CD28: variants seen among roughly 807,000 people sequenced by gnomAD.
The protein encoded by CD28 is CD28 molecule.
In CD28, 8 loss-of-function variants were observed where a neutral mutation model predicts 21.4. That is an observed-to-expected ratio of 0.37 (90% confidence interval 0.22 to 0.68). The LOEUF (loss-of-function observed/expected upper bound fraction) is 0.68, where lower values mean the gene tolerates loss of function less well. Ranked by LOEUF, CD28 falls within the 30% of genes least tolerant of loss-of-function variation. The pLI is 0.55. For synonymous variants in CD28, 106 were observed against 104.0 expected, an observed-to-expected ratio of 1.02 and a Z score of -0.12; for missense variants, 239 against 272.2, an observed-to-expected ratio of 0.88 and a Z score of 0.86.
At chr2:203,708,928 G>A (rs865966971) in intron 1 of CD28, among the ~76,000 whole-genome samples, 1 of 151,922 alleles carries the variant, frequency 6.6e-6, no homozygotes, top group East Asian at 1.9e-4. Context: ...GAGACCCGTC[G>A]GGCTAACATG....
chr2:203,713,296 G>T (rs1308267970), intron 1 of CD28, among the ~76,000 whole-genome samples: 1 of 152,172 alleles, frequency 6.6e-6, no homozygotes, highest in African/African-American at 2.4e-5. Flanking sequence ...TTGGAATGAA[G>T]CTGGAGTTAT....
intron 1 of CD28, among the ~76,000 whole-genome samples, chr2:203,722,287 A>G (rs1425299864): frequency 6.6e-6 from 1 of 152,210 alleles, no homozygotes. Flanking sequence ...AACTGACCTA[A>G]TGACTCCTTC....
Position 203,735,265 on chromosome 2 carries a change from G to A in CD28, c.*353G>A, listed in dbSNP as rs143325118. 1.4e-3 allele frequency: 315 copies of A among 232,002 alleles called. No individual in the cohort carries two copies. Among genetic ancestry groups the A allele is most frequent in the African/African-American group, 6.7e-3 (293 of 43,574 alleles). The allele number at this position is 232,002 out of a possible 1,614,324, so 14.4% of individuals were successfully genotyped here. A position where few individuals can be genotyped will look rare whatever the true frequency, so the allele number is the denominator to read the frequency against. On this transcript the variant is annotated 3_prime_UTR_variant, in exon 4 of 4. Coordinates refer to ENST00000324106, the MANE Select transcript of CD28 (RefSeq NM_006139.4). ...CCTGCACATCTCAGTCAAGCAAAGT[G>A]TGGTATCCACAGACATTTTAGTTGC...
rs540936067 is a variant in CD28 at position 203,721,043 on chromosome 2, AC to A, written c.53-5589del. On this transcript the variant is annotated intron_variant, in intron 1 of 3. Coordinates refer to ENST00000324106, the MANE Select transcript of CD28 (RefSeq NM_006139.4). ...GCTATGAGGATATAAATATTGAGAA[AC>A]GAGATTTTATCAGCCAACCTTGAAC... is the stretch of plus-strand genomic sequence containing the variant. Among the ~76,000 whole-genome samples, 9 of 152,330 alleles carry A rather than the reference AC, an allele frequency of 5.9e-5. No individual in the cohort carries two copies. In the South Asian group the frequency reaches 1.7e-3, roughly 28 times the overall value.
intron 3 of CD28, among the ~76,000 whole-genome samples, chr2:203,733,962 T>G (rs1333635107): frequency 6.6e-6 from 1 of 152,234 alleles, no homozygotes; most frequent in Non-Finnish European, 1.5e-5. Context: ...GTCATTCATG[T>G]ACAGCATTAT....
upstream of CD28, chr2:203,706,587 G>A (rs200128080): frequency 6.8e-5 from 108 of 1,597,470 alleles, no homozygotes; most frequent in Middle Eastern, 1.6e-4. Flanking sequence ...GGTGGTGGCC[G>A]TGGATGACGG....
intron 3 of CD28, among the ~76,000 whole-genome samples, chr2:203,730,068 A>T (rs1693848543): frequency 6.6e-6 from 1 of 152,168 alleles, no homozygotes. Flanking sequence ...CCATTTTGCA[A>T]TATAATTATG....
chr2:203,728,658 T>C (rs1439527359), intron 2 of CD28, among the ~76,000 whole-genome samples: 1 of 152,242 alleles, frequency 6.6e-6, no homozygotes, highest in Non-Finnish European at 1.5e-5. Context: ...CTAATATCTG[T>C]AATATCCAAA....
chr2:203,727,364 AT>A (rs1693778693), intron 2 of CD28, among the ~76,000 whole-genome samples: 1 of 152,000 alleles, frequency 6.6e-6, no homozygotes, highest in Admixed American at 6.6e-5. Flanking sequence ...ACTCACTTCT[AT>A]TTCTAATTAA....
In CD28 at chr2:203,729,653, C is replaced by T; in HGVS notation, c.415C>T (p.His139Tyr). ...NGTIIHVKGK[H>Y]LCPSPLFPGP... ...CACTCTATTTTGTTTTTCAGGGAAACACCTTTGTCCAAGTCCCCTATTTCC... is the reference window on the plus strand; with the variant it reads ...CACTCTATTTTGTTTTTCAGGGAAATACCTTTGTCCAAGTCCCCTATTTCC... The change falls in exon 3 of 4, where the codon CAC (histidine) becomes TAC (tyrosine). Residue 139 changes from histidine (H) to tyrosine (Y), a missense_variant. By Grantham distance (83) the His-to-Tyr change is moderately conservative. Transcript: ENST00000324106. The T allele has an allele frequency of 2.5e-6, 4 of 1,613,280 alleles. No individual in the cohort carries two copies. In the South Asian group the frequency reaches 4.4e-5, roughly 18 times the overall value.
intron 1 of CD28, among the ~76,000 whole-genome samples, chr2:203,719,963 C>T (rs1693562555): frequency 6.6e-6 from 1 of 152,092 alleles, no homozygotes; most frequent in Admixed American, 6.5e-5. Flanking sequence ...GTAATTGACC[C>T]GTTTATAATA....
At chr2:203,709,818 C>T (rs752299980) in intron 1 of CD28, among the ~76,000 whole-genome samples, 1 of 152,214 alleles carries the variant, frequency 6.6e-6, no homozygotes, top group Non-Finnish European at 1.5e-5. Context: ...CATATTACCA[C>T]TTATTTTTCC....
rs749513145 is a variant in CD28 at position 203,706,717 on chromosome 2, T to C, written c.21T>C (p.Ala7=). The change falls in exon 1 of 4, where the codon GCT becomes GCC. Residue 7 remains alanine (A), a synonymous_variant. Coordinates refer to ENST00000324106, the MANE Select transcript of CD28 (RefSeq NM_006139.4). MLRLLL[A]LNLFPSIQVT... is the part of the protein sequence containing the mutation. ...CAAAGATGCTCAGGCTGCTCTTGGC[T>C]CTCAACTTATTCCCTTCAATTCAAG... The C allele has an allele frequency of 6.2e-7, 1 of 1,614,094 alleles. No homozygotes were observed. Among genetic ancestry groups the C allele is most frequent in the Non-Finnish European group, 8.5e-7 (1 of 1,179,940 alleles).
chr2:203,723,408 T>C (rs753990610), intron 1 of CD28, among the ~76,000 whole-genome samples: 5 of 151,518 alleles, frequency 3.3e-5, no homozygotes, highest in Non-Finnish European at 7.4e-5. Flanking sequence ...GATTGCTTGA[T>C]TCTGGGTGGC....
intron 2 of CD28, among the ~76,000 whole-genome samples, chr2:203,727,899 G>T (rs969181968): frequency 6.6e-6 from 1 of 152,008 alleles, no homozygotes; most frequent in Non-Finnish European, 1.5e-5. Context: ...GGATGGTCTC[G>T]ATTTCCTGAC....
upstream of CD28, chr2:203,706,532 T>C (rs1199334347): frequency 1.9e-6 from 3 of 1,554,874 alleles, no homozygotes; most frequent in African/African-American, 1.4e-5. Context: ...GGATGCCTTG[T>C]GGTTTGAGTG....
At chr2:203,729,281 T>C (rs147334483) in intron 2 of CD28, among the ~76,000 whole-genome samples, 5 of 152,340 alleles carry the variant, frequency 3.3e-5, no homozygotes, top group African/African-American at 9.6e-5. Flanking sequence ...ATTATTTAAC[T>C]TATTCCAAGG....
chr2:203,726,661 C>G lies in CD28; in HGVS notation c.81C>G (p.Pro27=), dbSNP rs138722381. Residue 27 remains proline, a synonymous_variant, in exon 2 of 4, where the codon CCC becomes CCG. Coordinates refer to ENST00000324106, the MANE Select transcript of CD28 (RefSeq NM_006139.4). ...ACAAGATTTTGGTGAAGCAGTCGCC[C>G]ATGCTTGTAGCGTACGACAATGCGG... ...TGNKILVKQS[P]MLVAYDNAVN... 3 of 1,611,104 alleles carry G rather than the reference C, an allele frequency of 1.9e-6. No homozygotes were observed. Among genetic ancestry groups the G allele is most frequent in the Non-Finnish European group, 1.7e-6 (2 of 1,178,288 alleles).
At chr2:203,717,184 A>C (rs1221213507) in intron 1 of CD28, among the ~76,000 whole-genome samples, 1 of 152,128 alleles carries the variant, frequency 6.6e-6, no homozygotes, top group Non-Finnish European at 1.5e-5. Context: ...ATTTCTATTT[A>C]TATTGTTACC....
Sources: gnomAD v4.1 joint callset for allele counts (sites outside exome capture counted in the v4.1 genomes callset) on GRCh38, gnomAD v4.1.1 for gene constraint, MANE v1.5 for transcripts, NCBI Gene and HGNC (gene_info 2026-07-23, HGNC 2026-07-21) for gene names.